Variants in SPG7 observed in about 807,000 individuals in gnomAD.
SPG7 encodes the protein SPG7 matrix AAA peptidase subunit, paraplegin, also known as mitochondrial inner membrane m-AAA protease component paraplegin.
SPG7 carries 103 observed loss-of-function variants against 81.9 expected under a neutral mutation model. The ratio of observed to expected loss-of-function variants is 1.26; its 90% CI spans 1.07 to 1.48. The LOEUF is 1.48. Among genes scored for constraint, SPG7 ranks in the 40% most tolerant of loss-of-function variants. The pLI is 0.00. For synonymous variants in SPG7, 534 were observed against 444.2 expected, an observed-to-expected ratio of 1.20 and a Z score of -2.54; for missense variants, 1,241 against 1,087.3, an observed-to-expected ratio of 1.14 and a Z score of -1.99.
intron 3 of SPG7, chr16:89,522,561 G>C (rs958793382): frequency 1.3e-5 from 2 of 152,438 alleles, no homozygotes; most frequent in African/African-American, 4.8e-5. Context: ...CGCTGGGTCC[G>C]TGGCGCTGTG....
Position 89,526,325 on chromosome 16 carries a change from C to T in SPG7, c.619-4C>T. ...CATGGTCCCCTCTCCTTTCTGCCCC[C>T]CAGCGGCTAGCCTTGATGTACCGAA... On this transcript the variant is annotated splice_polypyrimidine_tract_variant and splice_region_variant and intron_variant, in intron 4 of 16. Transcript: ENST00000645818. 6.2e-7 allele frequency: 1 copy of T among 1,614,012 alleles called. No homozygotes were observed. The highest frequency in any genetic ancestry group is 8.5e-7 in the Non-Finnish European group (1 of 1,179,966).
At chr16:89,513,968 C>T (rs2058055950) in intron 3 of SPG7, among the ~76,000 whole-genome samples, 1 of 152,100 alleles carries the variant, frequency 6.6e-6, no homozygotes, top group African/African-American at 2.4e-5. Context: ...TCAGGAGTGA[C>T]GTCCTTCTTG....
intron 12 of SPG7, chr16:89,550,045 G>T: frequency 3.7e-6 from 1 of 269,814 alleles, no homozygotes; most frequent in Non-Finnish European, 7.3e-6. Context: ...TTTTGAGTTG[G>T]GGTGTCCAGA....
At position 89,524,253 on chromosome 16, in the gene SPG7, T is replaced by C. The variant is rs1244091852; in HGVS notation, c.618+6T>C. ...CCGTGGTGTTTGGGCGGCCTGTGAG[T>C]GAGGGTGCGGGAGGCCTGTGAGTGA... is the stretch of plus-strand genomic sequence containing the variant. On this transcript the variant is annotated splice_donor_region_variant and intron_variant, in intron 4 of 16. Transcript: ENST00000645818. 6.2e-7 allele frequency: 1 copy of C among 1,605,622 alleles called. No homozygotes were observed. The highest frequency in any genetic ancestry group is 1.7e-5 in the Admixed American group (1 of 59,818).
Position 89,508,495 on chromosome 16 carries a change from C to G in SPG7, c.78C>G (p.Gly26=). ...GPGPRPLWGP[G]PAWSPGFPAR... ...GTCCTCGGCCGCTGTGGGGCCCAGG[C>G]CCGGCCTGGAGTCCAGGGTTCCCCG... The change falls in exon 1 of 17, where the codon GGC becomes GGG. Residue 26 remains glycine, a synonymous_variant. Coordinates refer to ENST00000645818, the MANE Select transcript of SPG7 (RefSeq NM_003119.4). The G allele has an allele frequency of 6.6e-7, 1 of 1,511,416 alleles. No homozygotes were observed. Among genetic ancestry groups the G allele is most frequent in the Non-Finnish European group, 8.8e-7 (1 of 1,136,538 alleles). 93.6% of individuals were successfully genotyped at this position (1,511,416 alleles called of 1,614,324 possible).
chr16:89,515,966 T>C (rs923371500), intron 3 of SPG7, among the ~76,000 whole-genome samples: 3 of 151,360 alleles, frequency 2.0e-5, no homozygotes, highest in African/African-American at 7.3e-5. Flanking sequence ...ATCTTGGCCT[T>C]CCAAAGTGCT....
chr16:89,553,702 C>A, intron 14 of SPG7, 92 bp from the exon 15 acceptor site: 1 of 1,288,242 alleles, frequency 7.8e-7, no homozygotes, highest in Non-Finnish European at 1.1e-6. Flanking sequence ...GGAGGTGGTG[C>A]TGCCTCAGTG....
At position 89,556,934 on chromosome 16, in the gene SPG7, T is replaced by A. The variant is rs1025019933; in HGVS notation, c.2229T>A (p.Ile743=). The change falls in exon 17 of 17, where the codon ATT becomes ATA. Residue 743 remains isoleucine, a synonymous_variant. Transcript: ENST00000645818. ...AGGAAGTGATAAACTATGAGGACAT[T>A]GAGGCTCTCATTGGCCCGCCGCCCC... ...LEKEVINYED[I]EALIGPPPHG... is the part of the protein sequence containing the mutation. 8.7e-6 allele frequency: 14 copies of A among 1,613,912 alleles called. No homozygotes were observed. Among genetic ancestry groups the A allele is most frequent in the Non-Finnish European group, 1.2e-5 (14 of 1,180,002 alleles).
chr16:89,552,619 C>G (rs987651475), intron 13 of SPG7: 5 of 353,184 alleles, frequency 1.4e-5, no homozygotes, highest in Admixed American at 1.2e-4. Flanking sequence ...TCTCATTGCT[C>G]TGAACCCTCA....
intron 3 of SPG7, chr16:89,517,007 C>G (rs1347980821): frequency 6.6e-6 from 1 of 152,270 alleles, no homozygotes; most frequent in Non-Finnish European, 1.5e-5. Context: ...ATCCTCATGG[C>G]CTTCACCTTG....
rs747354081 is a variant in SPG7 at position 89,529,517 on chromosome 16, A to G, written c.799A>G (p.Ile267Val). The stretch of plus-strand genomic sequence containing the variant: ...GGGGATGACGGCAGTGGGCCTGGCC[A>G]TCCTGTGGTATGTTTTCCGTCTGGC... ...SVGMTAVGLA[I>V]LWYVFRLAGM... is the part of the protein sequence containing the mutation. The change falls in exon 6 of 17, where the codon ATC becomes GTC. Residue 267 changes from isoleucine to valine, a missense_variant. Coordinates refer to ENST00000645818, the MANE Select transcript of SPG7 (RefSeq NM_003119.4). 2.5e-6 allele frequency: 4 copies of G among 1,614,042 alleles called. No homozygotes were observed. Among genetic ancestry groups the G allele is most frequent in the Non-Finnish European group, 1.7e-6 (2 of 1,179,950 alleles).
intron 9 of SPG7, 90 bp from the exon 10 acceptor site, chr16:89,544,558 C>G (rs2058538781): frequency 2.0e-6 from 3 of 1,505,416 alleles, no homozygotes; most frequent in East Asian, 2.3e-5. Context: ...GGGTCTCTCT[C>G]CCTCCTGTGT....
At chr16:89,544,454 C>T in intron 9 of SPG7, 194 bp from the exon 10 acceptor site, 1 of 628,474 alleles carries the variant, frequency 1.6e-6, no homozygotes, top group Non-Finnish European at 2.9e-6. Context: ...AGGCAAATTC[C>T]TGTTCCTCCT....
intron 1 of SPG7, chr16:89,508,833 T>G (rs1473361607): frequency 4.4e-6 from 3 of 681,742 alleles, no homozygotes; most frequent in East Asian, 5.6e-5. Flanking sequence ...GTCCTCGGCG[T>G]GGACTTTCCC....
At chr16:89,546,854 G>C (rs934959400) in intron 11 of SPG7, 94 bp downstream of exon 11, 1 of 837,276 alleles carries the variant, frequency 1.2e-6, no homozygotes, top group Non-Finnish European at 2.1e-6. Context: ...CTGTGGGGTG[G>C]GCGCTGCTCC....
At chr16:89,550,842 G>A (rs1195425022) in intron 13 of SPG7, among the ~76,000 whole-genome samples, 1 of 152,236 alleles carries the variant, frequency 6.6e-6, no homozygotes, top group East Asian at 1.9e-4. Flanking sequence ...AGTGGGCTGT[G>A]TCACATCGGA....
At chr16:89,554,661 A>G in intron 16 of SPG7, 98 bp downstream of exon 16, 1 of 787,834 alleles carries the variant, frequency 1.3e-6, no homozygotes, top group South Asian at 1.4e-5. Context: ...CAAGGCACAC[A>G]GAGTACAGAG....
chr16:89,520,216 G>A (rs1197187039), intron 3 of SPG7: 2 of 152,870 alleles, frequency 1.3e-5, no homozygotes, highest in African/African-American at 2.4e-5. Flanking sequence ...TGGGTGCGCA[G>A]GCACAAATGA....
Position 89,529,544 on chromosome 16 carries a change from G to T in SPG7, c.826G>T (p.Gly276Trp). 5 of 1,613,890 alleles carry T rather than the reference G, an allele frequency of 3.1e-6. No individual in the cohort carries two copies. Among genetic ancestry groups the T allele is most frequent in the Non-Finnish European group, 4.2e-6 (5 of 1,179,826 alleles). Residue 276 changes from glycine to tryptophan, a missense_variant, in exon 6 of 17, where the codon GGG (glycine) becomes TGG (tryptophan). Gly to Trp is a radical substitution (Grantham distance 184, BLOSUM62 -2). Transcript: ENST00000645818. Reference protein sequence around the residue: ...AILWYVFRLAGMTGREGGFSA... With the variant: ...AILWYVFRLAWMTGREGGFSA... ...CCTGTGGTATGTTTTCCGTCTGGCC[G>T]GGATGACTGGAAGGGAAGGTGGATT...
Sources: gnomAD v4.1 joint callset for allele counts (sites outside exome capture counted in the v4.1 genomes callset) on GRCh38, gnomAD v4.1.1 for gene constraint, MANE v1.5 for transcripts, NCBI Gene and HGNC (gene_info 2026-07-23, HGNC 2026-07-21) for gene names.